The following ZNF146 variants were observed in gnomAD, a reference collection of about 807,000 sequenced individuals.
The protein encoded by ZNF146 is zinc finger protein 146.
A neutral mutation model predicts 22.2 loss-of-function variants in ZNF146; 9 were observed. The ratio of observed to expected loss-of-function variants is 0.41; its 90% CI spans 0.24 to 0.71. ZNF146 has a LOEUF of 0.71. ZNF146 is among the 30% of genes least tolerant of loss of function. The probability of loss-of-function intolerance (pLI) is 0.34; values close to 1 mark genes in which losing one functional copy is unlikely to be tolerated. For missense variants in ZNF146, 194 were observed against 344.8 expected (o/e 0.56, Z 3.46); for synonymous variants, 108 against 119.2 (o/e 0.91, Z 0.61).
intron 2 of ZNF146, among the ~76,000 whole-genome samples, chr19:36,227,452 C>T (rs889085608): frequency 1.3e-5 from 2 of 150,106 alleles, no homozygotes; most frequent in African/African-American, 4.9e-5. Context: ...TAGGCATGAT[C>T]ATGTATTTGC....
intron 3 of ZNF146, among the ~76,000 whole-genome samples, chr19:36,233,503 C>CCT (rs1977488332): frequency 6.6e-6 from 1 of 151,928 alleles, no homozygotes. Context: ...ATACGGAGGA[C>CCT]CTCTCAAGAG....
intron 1 of ZNF146, among the ~76,000 whole-genome samples, chr19:36,216,936 G>A (rs565279503): frequency 2.4e-4 from 36 of 151,886 alleles, no homozygotes; most frequent in African/African-American, 8.5e-4. Context: ...GAGATCTCCC[G>A]TAGTCCTAGC....
intron 1 of ZNF146, among the ~76,000 whole-genome samples, chr19:36,216,563 C>CAGGAAAATCGGAGGCTGAGGT (rs1976615364): frequency 6.6e-6 from 1 of 152,148 alleles, no homozygotes; most frequent in African/African-American, 2.4e-5. Context: ...GAGGCTGAGG[C>CAGGAAAATCGGAGGCTGAGGT]AGGAAAATCG....
chr19:36,222,477 AAGTACTT>A (rs1976888951), intron 2 of ZNF146, among the ~76,000 whole-genome samples: 1 of 152,210 alleles, frequency 6.6e-6, no homozygotes, highest in Non-Finnish European at 1.5e-5. Context: ...CCCAGTGGGT[AAGTACTT>A]ACACTCCCAC....
intron 3 of ZNF146, among the ~76,000 whole-genome samples, 166 bp downstream of exon 3, chr19:36,228,985 ATTC>A (rs963325624): frequency 1.3e-4 from 20 of 152,198 alleles, no homozygotes; most frequent in Admixed American, 8.5e-4. Flanking sequence ...GTGTTTCATT[ATTC>A]TTCTTCTTTC....
At chr19:36,233,844 T>G (rs979457781) in intron 3 of ZNF146, among the ~76,000 whole-genome samples, 8 of 152,218 alleles carry the variant, frequency 5.3e-5, no homozygotes, top group African/African-American at 1.7e-4. Context: ...AGGAGACAGA[T>G]GCCTTCCTCT....
rs752632008 is a variant in ZNF146, at chr19:36,217,055, CTTTTT to C, written c.-928-1046_-928-1042del. Reference sequence around the variant, plus strand: ...AGCTTGGTGGACAGCCAGTCCCTGTCTTTTTTTTTTTTTTTTTTTTTTTTTGAGAT... The same window carrying C: ...AGCTTGGTGGACAGCCAGTCCCTGTCTTTTTTTTTTTTTTTTTTTTGAGAT... On this transcript the variant is annotated intron_variant, in intron 1 of 3. Coordinates refer to ENST00000443387, the MANE Select transcript of ZNF146 (RefSeq NM_007145.3). Among the ~76,000 whole-genome samples, 8 of 65,864 alleles carry C rather than the reference CTTTTT, an allele frequency of 1.2e-4. No individual in the cohort carries two copies. The Admixed American group carries it at 1.4e-3, about 11-fold the overall frequency. The allele number at this position is 65,864 out of a possible 152,430, so 43.2% of individuals were successfully genotyped here.
At chr19:36,222,742 A>C (rs1976901238) in intron 2 of ZNF146, among the ~76,000 whole-genome samples, 1 of 143,934 alleles carries the variant, frequency 6.9e-6, no homozygotes, top group African/African-American at 2.5e-5. Context: ...CTGTTTATAA[A>C]TTAGAAAGGT....
At chr19:36,234,620 A>T (rs1326102125) in intron 3 of ZNF146, among the ~76,000 whole-genome samples, 1 of 152,048 alleles carries the variant, frequency 6.6e-6, no homozygotes, top group Admixed American at 6.6e-5. Flanking sequence ...GATGGTCTTG[A>T]TCTCCTGACC....
intron 2 of ZNF146, among the ~76,000 whole-genome samples, chr19:36,218,958 A>G (rs1294972364): frequency 2.0e-5 from 3 of 149,578 alleles, no homozygotes; most frequent in African/African-American, 7.4e-5. Flanking sequence ...ACGGGCGCCC[A>G]CCACCACGTC....
intron 3 of ZNF146, among the ~76,000 whole-genome samples, 196 bp downstream of exon 3, chr19:36,229,015 G>A (rs1391982784): frequency 6.6e-6 from 1 of 152,182 alleles, no homozygotes; most frequent in Admixed American, 6.5e-5. Flanking sequence ...TTCTAGAGGG[G>A]CCAGGCGCCC....
intron 2 of ZNF146, among the ~76,000 whole-genome samples, chr19:36,224,982 T>A (rs1977008211): frequency 6.6e-6 from 1 of 152,228 alleles, no homozygotes; most frequent in Admixed American, 6.5e-5. Flanking sequence ...CTTTCCTTAG[T>A]TATTTGTAAT....
intron 2 of ZNF146, among the ~76,000 whole-genome samples, chr19:36,219,156 T>G (rs1182852153): frequency 2.0e-5 from 3 of 152,090 alleles, no homozygotes; most frequent in African/African-American, 7.3e-5. Flanking sequence ...AATCAGGAAG[T>G]TAGGTTTGTT....
intron 2 of ZNF146, among the ~76,000 whole-genome samples, chr19:36,220,962 C>G (rs1976811073): frequency 6.6e-6 from 1 of 151,664 alleles, no homozygotes; most frequent in East Asian, 1.9e-4. Context: ...CAGCGATTCT[C>G]CTGCCTCAGC....
chr19:36,217,600 GA>G (rs1976664942), intron 1 of ZNF146, among the ~76,000 whole-genome samples: 1 of 152,114 alleles, frequency 6.6e-6, no homozygotes, highest in South Asian at 2.1e-4. Context: ...TTTGGAATAA[GA>G]AAAGGGGTAA....
At chr19:36,218,882 C>T (rs547463822) in intron 2 of ZNF146, among the ~76,000 whole-genome samples, 70 of 151,690 alleles carry the variant, frequency 4.6e-4, no homozygotes, top group African/African-American at 1.6e-3. Flanking sequence ...TATCTTGGCT[C>T]ACTGCAAGCT....
At chr19:36,218,353 T>A (rs536343599) in intron 2 of ZNF146, among the ~76,000 whole-genome samples, 158 bp downstream of exon 2, 1 of 152,152 alleles carries the variant, frequency 6.6e-6, no homozygotes, top group African/African-American at 2.4e-5. Context: ...TAATGTTAAA[T>A]ACTAGTACTT....
At chr19:36,233,297 T>C (rs2145453114) in intron 3 of ZNF146, among the ~76,000 whole-genome samples, 1 of 152,230 alleles carries the variant, frequency 6.6e-6, no homozygotes, top group Admixed American at 6.5e-5. Flanking sequence ...CAAGAATCAC[T>C]TGAAGCCAGG....
chr19:36,217,270 C>T (rs1021470765), intron 1 of ZNF146, among the ~76,000 whole-genome samples: 1 of 151,422 alleles, frequency 6.6e-6, no homozygotes, highest in Non-Finnish European at 1.5e-5. Flanking sequence ...ACCATGTTGG[C>T]CAGGCTGGTC....
Sources: gnomAD v4.1 joint callset for allele counts (sites outside exome capture counted in the v4.1 genomes callset) on GRCh38, gnomAD v4.1.1 for gene constraint, MANE v1.5 for transcripts, NCBI Gene and HGNC (gene_info 2026-07-23, HGNC 2026-07-21) for gene names.